DAB1: variants seen among roughly 807,000 people sequenced by gnomAD.
DAB1 encodes DAB adaptor protein 1.
Under a neutral mutation model 64.6 loss-of-function variants are expected in DAB1, and 15 were observed. The ratio of observed to expected loss-of-function variants is 0.23; its 90% CI spans 0.16 to 0.36. DAB1 has a LOEUF of 0.36. Ranked by LOEUF, DAB1 falls within the 10% of genes least tolerant of loss-of-function variation. DAB1 has a pLI of 1.00. For synonymous variants in DAB1, 235 were observed against 251.9 expected, an observed-to-expected ratio of 0.93 and a Z score of 0.64; for missense variants, 596 against 706.7, an observed-to-expected ratio of 0.84 and a Z score of 1.78.
intron 4 of DAB1, among the ~76,000 whole-genome samples, chr1:57,102,375 G>A (rs138134471): frequency 1.3e-5 from 2 of 152,280 alleles, no homozygotes; most frequent in African/African-American, 4.8e-5. Flanking sequence ...CAACCATCCT[G>A]TGGTCATGTT....
chr1:57,302,964 T>C (rs1673792474), intron 1 of DAB1, among the ~76,000 whole-genome samples: 1 of 152,182 alleles, frequency 6.6e-6, no homozygotes, highest in African/African-American at 2.4e-5. Context: ...CACATCTAAC[T>C]ACAGTATTAA....
chr1:58,031,000 C>T lies in DAB1; in HGVS notation n.387+119511G>A, dbSNP rs186410920. ...TAAGCAGGAAGAACTTCTCCAGGTA[C>T]GAAGTTCTTCTCCAGGTAGGAAGTT... is the stretch of plus-strand genomic sequence containing the variant. On this transcript the variant is annotated intron_variant and non_coding_transcript_variant, in intron 5 of 20. Transcript: ENST00000485760. 5.3e-5 allele frequency among the ~76,000 whole-genome samples: 8 copies of T among 152,184 alleles called. No homozygotes were observed. In the South Asian group the frequency reaches 1.5e-3, roughly 28 times the overall value.
chr1:58,261,188 A>C (rs1557717497), intron 4 of DAB1, among the ~76,000 whole-genome samples: 2 of 152,220 alleles, frequency 1.3e-5, no homozygotes, highest in Non-Finnish European at 2.9e-5. Flanking sequence ...CTATGTCTTT[A>C]AACTGCATTC....
chr1:57,871,848 C>T (rs1368436172), intron 1 of DAB1, among the ~76,000 whole-genome samples: 2 of 152,094 alleles, frequency 1.3e-5, no homozygotes, highest in Admixed American at 1.3e-4. Flanking sequence ...ACTATATGCA[C>T]TACAGGAGTG....
At chr1:57,599,433 A>G (rs998239501) in intron 7 of DAB1, among the ~76,000 whole-genome samples, 11 of 127,416 alleles carry the variant, frequency 8.6e-5, no homozygotes, top group African/African-American at 2.8e-4. Context: ...CCTCTCCAGA[A>G]GTGCTGGAAA....
At chr1:57,433,302 A>T (rs972719023) in intron 7 of DAB1, among the ~76,000 whole-genome samples, 1 of 152,174 alleles carries the variant, frequency 6.6e-6, no homozygotes, top group Non-Finnish European at 1.5e-5. Context: ...ATCCTACCTG[A>T]TTTCAAGACT....
intron 4 of DAB1, among the ~76,000 whole-genome samples, chr1:58,340,385 C>G (rs531257427): frequency 6.6e-6 from 1 of 152,132 alleles, no homozygotes; most frequent in Non-Finnish European, 1.5e-5. Flanking sequence ...AACAAAGAAG[C>G]CTTCAACTGA....
At chr1:57,111,178 A>C (rs1041547147) in intron 4 of DAB1, among the ~76,000 whole-genome samples, 3 of 152,086 alleles carry the variant, frequency 2.0e-5, no homozygotes, top group Non-Finnish European at 4.4e-5. Context: ...GGAATTGTCC[A>C]GCAGAGGAAG....
chr1:57,593,331 G>A (rs543198200), intron 7 of DAB1, among the ~76,000 whole-genome samples: 5 of 152,226 alleles, frequency 3.3e-5, no homozygotes, highest in South Asian at 2.1e-4. Context: ...GAAAGTGTCC[G>A]AATTTTTTTG....
chr1:57,107,705 C>CT (rs1322277515), intron 4 of DAB1, among the ~76,000 whole-genome samples: 7 of 152,170 alleles, frequency 4.6e-5, no homozygotes, highest in African/African-American at 1.7e-4. Context: ...AGGATTCTTT[C>CT]TGTGCTGGCT....
chr1:57,279,835 C>G (rs930670650), intron 2 of DAB1, among the ~76,000 whole-genome samples: 1 of 152,226 alleles, frequency 6.6e-6, no homozygotes, highest in Non-Finnish European at 1.5e-5. Flanking sequence ...AAGTCACAGA[C>G]AAGAGATGTG....
At position 57,957,114 on chromosome 1, in the gene DAB1, T is replaced by TG. The variant is rs1570074263; in HGVS notation, n.388-72953_388-72952insC. Among the ~76,000 whole-genome samples the TG allele has an allele frequency of 2.0e-5, 3 of 152,344 alleles. No homozygotes were observed. In the East Asian group the frequency reaches 5.8e-4, roughly 29 times the overall value. On this transcript the variant is annotated intron_variant and non_coding_transcript_variant, in intron 5 of 20. Transcript: ENST00000485760. Reference sequence around the variant, plus strand: ...GGAGGAGCATGTGATTTGACTTACATTTTAATAGGCTTGTTCAGGAAAATG... The same window carrying TG: ...GGAGGAGCATGTGATTTGACTTACATGTTTAATAGGCTTGTTCAGGAAAATG...
chr1:57,956,569 C>T (rs1011245837), intron 5 of DAB1, among the ~76,000 whole-genome samples: 9 of 152,118 alleles, frequency 5.9e-5, no homozygotes, highest in African/African-American at 1.2e-4. Flanking sequence ...GGAGGGAAGA[C>T]CTCATTAAAT....
At chr1:57,369,697 G>T (rs902016798) in intron 1 of DAB1, among the ~76,000 whole-genome samples, 2 of 152,182 alleles carry the variant, frequency 1.3e-5, no homozygotes, top group Non-Finnish European at 2.9e-5. Context: ...GGCTTGAGAT[G>T]AAATCAAGGC....
chr1:57,262,178 C>A (rs1182673741), intron 2 of DAB1, among the ~76,000 whole-genome samples: 5 of 152,186 alleles, frequency 3.3e-5, no homozygotes, highest in Non-Finnish European at 7.3e-5. Context: ...ATACCACGAA[C>A]CACTCTCGTC....
At chr1:57,154,644 A>C (rs1660038299) in intron 2 of DAB1, among the ~76,000 whole-genome samples, 1 of 152,160 alleles carries the variant, frequency 6.6e-6, no homozygotes. Flanking sequence ...GGTTGTACTA[A>C]TTTATATTCT....
At chr1:57,563,873 G>A (rs1330916649) in intron 7 of DAB1, among the ~76,000 whole-genome samples, 1 of 152,182 alleles carries the variant, frequency 6.6e-6, no homozygotes, top group African/African-American at 2.4e-5. Flanking sequence ...GCAGGGCATA[G>A]CCAAACAAAA....
intron 1 of DAB1, among the ~76,000 whole-genome samples, chr1:57,376,911 A>T (rs1267030176): frequency 6.6e-6 from 1 of 152,194 alleles, no homozygotes; most frequent in Non-Finnish European, 1.5e-5. Flanking sequence ...TGTACAGAGA[A>T]CTCAATGTTA....
chr1:58,130,208 G>A (rs1351094137), intron 5 of DAB1, among the ~76,000 whole-genome samples: 1 of 145,992 alleles, frequency 6.8e-6, no homozygotes, highest in African/African-American at 2.6e-5. Context: ...TTACCATTAT[G>A]TAATGGCCTT....
Sources: allele counts gnomAD v4.1 joint callset (sites outside exome capture counted in the v4.1 genomes callset), GRCh38; gene constraint gnomAD v4.1.1; transcripts MANE v1.5; gene names NCBI Gene and HGNC (gene_info 2026-07-23, HGNC 2026-07-21).